The following IL20RA variants were observed in gnomAD, a reference collection of about 807,000 sequenced individuals.
The protein encoded by IL20RA is interleukin 20 receptor subunit alpha, also known as interleukin-20 receptor subunit alpha.
IL20RA carries 29 observed loss-of-function variants against 36.5 expected under a neutral mutation model. That is an observed-to-expected ratio of 0.79 (90% CI 0.59 to 1.08). The LOEUF is 1.08. Ranked by LOEUF, IL20RA falls within the 50% of genes least tolerant of loss-of-function variation. IL20RA has a pLI of 0.00. For synonymous variants in IL20RA, 279 were observed against 267.1 expected (o/e 1.04, Z -0.43); for missense variants, 652 against 668.4 (o/e 0.98, Z 0.27).
In IL20RA at chr6:137,008,632, G is replaced by A; in HGVS notation, c.691C>T (p.Pro231Ser). 6.2e-7 allele frequency: 1 copy of A among 1,605,876 alleles called. No individual in the cohort carries two copies. The highest frequency in any genetic ancestry group is 8.5e-7 in the Non-Finnish European group (1 of 1,176,280). The change falls in exon 5 of 7, where the codon CCT becomes TCT. Residue 231 changes from proline (P) to serine (S), a missense_variant. Pro to Ser is a moderately conservative substitution (Grantham distance 74). Transcript: ENST00000316649. ...FVPGPPRRAQPSEKQCARTLK... is the reference protein window; with the variant it reads ...FVPGPPRRAQSSEKQCARTLK... The stretch of plus-strand genomic sequence containing the variant: ...GTCCTGGCACACTGCTTCTCAGAAG[G>A]CTGAGCACGGCGAGGGGGCCCTGGG...
At chr6:137,022,218 T>C (rs956053157) in intron 1 of IL20RA, among the ~76,000 whole-genome samples, 1 of 152,194 alleles carries the variant, frequency 6.6e-6, no homozygotes, top group Non-Finnish European at 1.5e-5. Context: ...CATTTTGTCA[T>C]AGGAGGTCCG....
chr6:137,004,698 C>A lies in IL20RA; in HGVS notation c.787G>T (p.Val263Leu). Residue 263 changes from valine to leucine, a missense_variant, in exon 6 of 7, where the codon GTG (valine) becomes TTG (leucine). Physicochemically the swap from Val to Leu is conservative, Grantham distance 32. Coordinates refer to ENST00000316649, the MANE Select transcript of IL20RA (RefSeq NM_014432.4). ...TAGCCCATCACAGAAAAAAGAAACA[C>A]GGTAATAGATACGGGCAAAACATAC... ...FWYVLPVSIT[V>L]FLFSVMGYSI... 6.2e-7 allele frequency: 1 copy of A among 1,608,704 alleles called. No individual in the cohort carries two copies. The highest frequency in any genetic ancestry group is 8.5e-7 in the Non-Finnish European group (1 of 1,178,264).
In IL20RA at chr6:137,000,675, TG is replaced by T. The variant is rs1231593618; in HGVS notation, c.*882del. On this transcript the variant is annotated 3_prime_UTR_variant, in exon 7 of 7. Coordinates refer to ENST00000316649, the MANE Select transcript of IL20RA (RefSeq NM_014432.4). ...ATTCATAGATATTCCAAAGAGTCTT[TG>T]AACGACTGCCTATTCGAATGTTTAA... 1.3e-5 allele frequency: 2 copies of T among 152,220 alleles called. No individual in the cohort carries two copies. Among genetic ancestry groups the T allele is most frequent in the African/African-American group, 4.8e-5 (2 of 41,462 alleles). The allele number at this position is 152,220 out of a possible 1,614,324, so 9.4% of individuals were successfully genotyped here.
In IL20RA at chr6:137,002,171, G is replaced by A. The variant is rs1453525560; in HGVS notation, c.1049C>T (p.Pro350Leu). 6.2e-7 allele frequency: 1 copy of A among 1,613,996 alleles called. No homozygotes were observed. The highest frequency in any genetic ancestry group is 8.5e-7 in the Non-Finnish European group (1 of 1,179,898). Residue 350 changes from proline (P) to leucine (L), a missense_variant, in exon 7 of 7, where the codon CCC becomes CTC. Pro to Leu is a moderately conservative substitution (Grantham distance 98, BLOSUM62 -3). Coordinates refer to ENST00000316649, the MANE Select transcript of IL20RA (RefSeq NM_014432.4). ...TTTCACCTCCTCTTCCTCCTGAGGG[G>A]GCCTCAGGTTCCCGCTGGGCTGAGG... is the stretch of plus-strand genomic sequence containing the variant. The part of the protein sequence containing the change: ...NDPQPSGNLR[P>L]PQEEEEVKHL...
chr6:137,009,918 C>T (rs1346203421), intron 3 of IL20RA, among the ~76,000 whole-genome samples: 1 of 152,108 alleles, frequency 6.6e-6, no homozygotes, highest in Non-Finnish European at 1.5e-5. Context: ...AAGACACCTT[C>T]TTACAGGAGA....
At chr6:137,044,448 AC>A in intron 1 of IL20RA, 192 bp downstream of exon 1, 2 of 822,022 alleles carry the variant, frequency 2.4e-6, no homozygotes, top group Non-Finnish European at 1.6e-6. Context: ...GCGCGAGGCG[AC>A]GGCGAGTGTC....
chr6:137,022,959 G>A (rs1352926393), intron 1 of IL20RA, among the ~76,000 whole-genome samples: 1 of 152,186 alleles, frequency 6.6e-6, no homozygotes, highest in African/African-American at 2.4e-5. Flanking sequence ...TTGACTTCTA[G>A]CTTCCAAAAC....
At chr6:137,002,402 A>C (rs757232472) in intron 6 of IL20RA, 47 bp from the exon 7 acceptor site, 1 of 1,244,342 alleles carries the variant, frequency 8.0e-7, no homozygotes, top group Non-Finnish European at 1.1e-6. Context: ...CTTTAGAGAG[A>C]CATTAAAAAC....
chr6:137,043,345 C>T (rs1776771126), intron 1 of IL20RA, among the ~76,000 whole-genome samples: 2 of 152,126 alleles, frequency 1.3e-5, no homozygotes, highest in South Asian at 4.1e-4. Flanking sequence ...AAGCCATCCT[C>T]CTGCCTATGT....
At chr6:137,030,069 G>GTTTTT (rs1562240269) in intron 1 of IL20RA, among the ~76,000 whole-genome samples, 1 of 44,640 alleles carries the variant, frequency 2.2e-5, no homozygotes, top group Non-Finnish European at 7.3e-5. Flanking sequence ...GCGGTTTGCG[G>GTTTTT]GTTTTTTTTT....
At position 137,009,488 on chromosome 6, in the gene IL20RA, T is replaced by C; in HGVS notation, c.408A>G (p.Gln136=). The change falls in exon 4 of 7, where the codon CAA becomes CAG. Residue 136 remains glutamine (Q), a synonymous_variant. Transcript: ENST00000316649. ...SGRFYPFLET[Q]IGPPEVALTT... ...TCAGTGCCACCTCTGGTGGGCCAAT[T>C]TGTGCTTAAAGGGGGAGAAAGAGGG... is the stretch of plus-strand genomic sequence containing the variant. 1 of 1,605,138 alleles carries C rather than the reference T, an allele frequency of 6.2e-7. No homozygotes were observed.
intron 1 of IL20RA, among the ~76,000 whole-genome samples, chr6:137,018,628 T>C (rs985059597): frequency 9.2e-5 from 14 of 151,844 alleles, no homozygotes; most frequent in Admixed American, 8.5e-4. Context: ...TTTGGAACCA[T>C]TGGGTAGCAA....
At chr6:137,030,133 T>G (rs1324535162) in intron 1 of IL20RA, among the ~76,000 whole-genome samples, 1 of 129,690 alleles carries the variant, frequency 7.7e-6, no homozygotes, top group African/African-American at 2.9e-5. Context: ...CAGGCTGGAG[T>G]GCAGTGGCAT....
intron 1 of IL20RA, among the ~76,000 whole-genome samples, chr6:137,036,929 C>CA (rs1402160535): frequency 2.0e-5 from 3 of 151,878 alleles, no homozygotes; most frequent in Admixed American, 2.0e-4. Context: ...TGATGTTGAG[C>CA]AAAAAAACCA....
At chr6:137,041,985 C>G (rs1461862391) in intron 1 of IL20RA, among the ~76,000 whole-genome samples, 1 of 152,032 alleles carries the variant, frequency 6.6e-6, no homozygotes, top group Non-Finnish European at 1.5e-5. Flanking sequence ...CCGACAGGCT[C>G]TGGTGTGTGA....
chr6:137,020,723 C>T (rs953705119), intron 1 of IL20RA, among the ~76,000 whole-genome samples: 14 of 152,162 alleles, frequency 9.2e-5, no homozygotes, highest in South Asian at 4.2e-4. Context: ...ATTGCAAATA[C>T]GCTGACAAGA....
intron 1 of IL20RA, among the ~76,000 whole-genome samples, chr6:137,030,070 G>GTTTTTTT (rs1188809232): frequency 0.052 from 3,246 of 62,852 alleles, 857 homozygotes; most frequent in Middle Eastern, 0.079. Context: ...CGGTTTGCGG[G>GTTTTTTT]TTTTTTTTTT....
chr6:137,044,946 C>T lies in IL20RA; in HGVS notation c.-218G>A. On this transcript the variant is annotated 5_prime_UTR_variant, in exon 1 of 7. Coordinates refer to ENST00000316649, the MANE Select transcript of IL20RA (RefSeq NM_014432.4). ...ACTCGCGGAGCCCCCACGCGCGCTC[C>T]CCCGGCTACCCAGCTGGATGGCAGC... 2 of 346,118 alleles carry T rather than the reference C, an allele frequency of 5.8e-6. No homozygotes were observed. Among genetic ancestry groups the T allele is most frequent in the East Asian group, 4.6e-5 (1 of 21,892 alleles). The allele number at this position is 346,118 out of a possible 1,614,324, so 21.4% of individuals were successfully genotyped here.
At chr6:137,003,151 A>G (rs1775143458) in intron 6 of IL20RA, among the ~76,000 whole-genome samples, 1 of 152,218 alleles carries the variant, frequency 6.6e-6, no homozygotes. Context: ...TTTCAAAAAA[A>G]TCACAGGTGG....
Sources: allele counts gnomAD v4.1 joint callset (sites outside exome capture counted in the v4.1 genomes callset), GRCh38; gene constraint gnomAD v4.1.1; transcripts MANE v1.5; gene names NCBI Gene and HGNC (gene_info 2026-07-23, HGNC 2026-07-21).